Variants in FANCB observed in about 807,000 individuals in gnomAD.
The protein encoded by FANCB is FA complementation group B.
A neutral mutation model predicts 38.9 loss-of-function variants in FANCB; 5 were observed. That is an observed-to-expected ratio of 0.13 (90% CI 0.07 to 0.27). The LOEUF (loss-of-function observed/expected upper bound fraction) is 0.27. Among genes scored for constraint, FANCB ranks in the 10% least tolerant of loss-of-function variants. The probability of loss-of-function intolerance (pLI) is 1.00; values close to 1 mark genes in which losing one functional copy is unlikely to be tolerated. For missense variants in FANCB, 573 were observed against 602.7 expected (o/e 0.95, Z 0.52); for synonymous variants, 236 against 215.4 (o/e 1.10, Z -0.84).
the FANCB span, among the ~76,000 whole-genome samples, chrX:14,726,288 G>A: frequency 1.8e-5 from 2 of 111,973 alleles, no homozygotes; most frequent in Non-Finnish European, 3.8e-5. Flanking sequence ...CAAATTGGTT[G>A]CAGTTATGTT....
the FANCB span, chrX:14,730,704 C>G: frequency 1.8e-5 from 7 of 391,837 alleles, no homozygotes; most frequent in Non-Finnish European, 3.1e-5. Context: ...ATCACGGGAG[C>G]ATAATAATTC....
intron 2 of FANCB, among the ~76,000 whole-genome samples, chrX:14,867,158 C>T (rs752826577): frequency 5.4e-5 from 6 of 111,164 alleles, no homozygotes; most frequent in African/African-American, 2.0e-4. Flanking sequence ...CCATACTACC[C>T]AAAGCAATCT....
chrX:14,870,503 C>G (rs2092491019), intron 1 of FANCB, among the ~76,000 whole-genome samples: 1 of 111,652 alleles, frequency 9.0e-6, no homozygotes, highest in African/African-American at 3.3e-5. Flanking sequence ...TTATAAAATA[C>G]TACATAATTA....
chrX:14,783,587 T>C, the FANCB span, among the ~76,000 whole-genome samples: 10 of 112,211 alleles, frequency 8.9e-5, no homozygotes, highest in African/African-American at 3.2e-4. Flanking sequence ...GGAATCAAAC[T>C]AGGGAAGAGA....
chrX:14,814,590 T>C, the FANCB span, among the ~76,000 whole-genome samples: 6 of 112,362 alleles, frequency 5.3e-5, no homozygotes, highest in East Asian at 1.7e-3. Context: ...TCACTGGTCA[T>C]CAGAGAAATG....
chrX:14,722,916 A>C, the FANCB span, among the ~76,000 whole-genome samples: 1 of 112,821 alleles, frequency 8.9e-6, no homozygotes, highest in Non-Finnish European at 1.9e-5. Flanking sequence ...TGAATCCAAA[A>C]TTATTTACAA....
At chrX:14,693,285 G>C in the FANCB span, among the ~76,000 whole-genome samples, 1 of 111,850 alleles carries the variant, frequency 8.9e-6, no homozygotes, top group African/African-American at 3.2e-5. Context: ...TGTGGATAAA[G>C]ATATCTCATG....
chrX:14,834,569 G>T (rs750777307), downstream of FANCB: 4 of 517,851 alleles, frequency 7.7e-6, no homozygotes, highest in African/African-American at 6.9e-5. Context: ...GCTTCCCTTT[G>T]GGAAGAGAAC....
At chrX:14,832,342 C>T (rs2092329378), downstream of FANCB, among the ~76,000 whole-genome samples, 1 of 111,478 alleles carries the variant, frequency 9.0e-6, no homozygotes, top group South Asian at 3.7e-4. Flanking sequence ...ACGTGGCCAT[C>T]TTCTTAAAAG....
the FANCB span, among the ~76,000 whole-genome samples, chrX:14,820,843 T>C: frequency 3.6e-5 from 4 of 111,723 alleles, no homozygotes; most frequent in Non-Finnish European, 7.5e-5. Context: ...GGGGATGGTA[T>C]ACAGGAACTC....
At chrX:14,808,493 G>T in the FANCB span, among the ~76,000 whole-genome samples, 1 of 111,682 alleles carries the variant, frequency 9.0e-6, no homozygotes, top group African/African-American at 3.3e-5. Flanking sequence ...TGCTAAAAAA[G>T]CATTTGATAA....
the FANCB span, among the ~76,000 whole-genome samples, chrX:14,722,339 C>T: frequency 9.0e-6 from 1 of 111,189 alleles, no homozygotes; most frequent in Admixed American, 9.6e-5. Flanking sequence ...ACATGGGCTA[C>T]TTTGAGTTCT....
the FANCB span, among the ~76,000 whole-genome samples, chrX:14,725,765 A>G: frequency 4.4e-5 from 5 of 112,479 alleles, no homozygotes; most frequent in Non-Finnish European, 9.4e-5. Flanking sequence ...AAATTTTACA[A>G]TAAGTAAAAC....
downstream of FANCB, among the ~76,000 whole-genome samples, chrX:14,839,571 C>T (rs2092349585): frequency 9.0e-6 from 1 of 110,758 alleles, no homozygotes; most frequent in Admixed American, 9.6e-5. Flanking sequence ...ATTAAAGCAT[C>T]TATTTTCAGG....
At chrX:14,840,615 C>T (rs747654437), downstream of FANCB, among the ~76,000 whole-genome samples, 1 of 112,248 alleles carries the variant, frequency 8.9e-6, no homozygotes, top group Admixed American at 9.4e-5. Flanking sequence ...GCACTTCTTT[C>T]TCACTCCTGA....
At chrX:14,739,821 T>A in the FANCB span, among the ~76,000 whole-genome samples, 5 of 112,367 alleles carry the variant, frequency 4.4e-5, no homozygotes, top group Non-Finnish European at 7.5e-5. Context: ...AAGTAATATA[T>A]AGTTTCCCAA....
the FANCB span, among the ~76,000 whole-genome samples, chrX:14,724,303 A>G: frequency 9.0e-6 from 1 of 111,181 alleles, no homozygotes; most frequent in East Asian, 2.8e-4. Flanking sequence ...CCTGGCACAT[A>G]ATAGGTACTC....
the FANCB span, among the ~76,000 whole-genome samples, chrX:14,698,824 A>G: frequency 9.0e-6 from 1 of 110,988 alleles, no homozygotes; most frequent in Non-Finnish European, 1.9e-5. Flanking sequence ...AGAGCAGATC[A>G]TCTCCCAAAA....
At chrX:14,870,571 C>T (rs1300397898) in intron 1 of FANCB, among the ~76,000 whole-genome samples, 2 of 111,564 alleles carry the variant, frequency 1.8e-5, no homozygotes, top group Non-Finnish European at 3.8e-5. Flanking sequence ...CTATTTTATA[C>T]ATAAAATTAA....
Sources: allele counts gnomAD v4.1 joint callset (sites outside exome capture counted in the v4.1 genomes callset), GRCh38; gene constraint gnomAD v4.1.1; transcripts MANE v1.5; gene names NCBI Gene and HGNC (gene_info 2026-07-23, HGNC 2026-07-21).